The following SYNPR variants were observed in gnomAD, a reference collection of about 807,000 sequenced individuals.
SYNPR encodes synaptoporin.
In SYNPR, 23 loss-of-function variants were observed where a neutral mutation model predicts 32.9. The observed-to-expected ratio is 0.70, with a 90% CI of 0.50 to 0.99. The LOEUF (loss-of-function observed/expected upper bound fraction) is 0.99. Ranked by LOEUF, SYNPR falls within the 50% of genes least tolerant of loss-of-function variation. SYNPR has a pLI of 0.00. For missense variants in SYNPR, 318 were observed against 349.3 expected, an observed-to-expected ratio of 0.91 and a Z score of 0.71; for synonymous variants, 146 against 135.9, an observed-to-expected ratio of 1.07 and a Z score of -0.52.
chr3:63,606,498 C>A (rs936775727), intron 4 of SYNPR, among the ~76,000 whole-genome samples: 1 of 133,502 alleles, frequency 7.5e-6, no homozygotes, highest in East Asian at 2.5e-4. Flanking sequence ...GTGATGCAAT[C>A]ATAGCTCACT....
chr3:63,371,129 G>A (rs1195834361), intron 2 of SYNPR, among the ~76,000 whole-genome samples: 1 of 152,048 alleles, frequency 6.6e-6, no homozygotes, highest in African/African-American at 2.4e-5. Context: ...AGCCAGAGGA[G>A]GCCCCCATAC....
intron 2 of SYNPR, among the ~76,000 whole-genome samples, chr3:63,415,110 T>G (rs1469654559): frequency 1.3e-5 from 2 of 152,202 alleles, no homozygotes; most frequent in Admixed American, 1.3e-4. Context: ...TGAAAATATA[T>G]TATTTATGAA....
chr3:63,498,014 T>C (rs1701405229), intron 3 of SYNPR, among the ~76,000 whole-genome samples: 1 of 152,196 alleles, frequency 6.6e-6, no homozygotes, highest in African/African-American at 2.4e-5. Context: ...CACTCAGCTC[T>C]TCTTTCAAAG....
At chr3:63,330,636 T>G (rs1329505653) in intron 2 of SYNPR, among the ~76,000 whole-genome samples, 1 of 152,202 alleles carries the variant, frequency 6.6e-6, no homozygotes, top group Non-Finnish European at 1.5e-5. Context: ...TTATAAAATA[T>G]TCTTATATAC....
chr3:63,480,994 G>A, intron 3 of SYNPR, 38 bp downstream of exon 3: 5 of 1,585,744 alleles, frequency 3.2e-6, no homozygotes, highest in Admixed American at 3.5e-5. Flanking sequence ...GCCTCACAGG[G>A]GGTTATTTCT....
intron 4 of SYNPR, among the ~76,000 whole-genome samples, chr3:63,595,327 A>T (rs1235490831): frequency 4.6e-5 from 7 of 152,046 alleles, no homozygotes; most frequent in African/African-American, 7.2e-5. Context: ...TTACCCCAGA[A>T]TTCCTTTTGC....
At chr3:63,371,474 C>T (rs2087811480) in intron 2 of SYNPR, among the ~76,000 whole-genome samples, 1 of 152,262 alleles carries the variant, frequency 6.6e-6, no homozygotes. Context: ...GGCCCACTGG[C>T]CTGGGACTCC....
the SYNPR span, among the ~76,000 whole-genome samples, chr3:63,221,139 G>A: frequency 7.2e-5 from 11 of 152,164 alleles, no homozygotes; most frequent in African/African-American, 2.7e-4. Flanking sequence ...GTGATAACAA[G>A]TAGAGATGTC....
At chr3:63,556,810 C>T in intron 4 of SYNPR, 69 bp downstream of exon 4, 1 of 1,434,346 alleles carries the variant, frequency 7.0e-7, no homozygotes, top group South Asian at 1.4e-5. Context: ...GCTTGAAGGA[C>T]TTTGGAGTTA....
At chr3:63,353,535 T>G (rs1196945557) in intron 2 of SYNPR, among the ~76,000 whole-genome samples, 1 of 152,184 alleles carries the variant, frequency 6.6e-6, no homozygotes, top group Non-Finnish European at 1.5e-5. Flanking sequence ...AAAGTGGAGA[T>G]TCGGGAATTA....
At chr3:63,361,064 GTATACAGTTGCAAC>G (rs959791760) in intron 2 of SYNPR, among the ~76,000 whole-genome samples, 14 of 152,090 alleles carry the variant, frequency 9.2e-5, no homozygotes, top group Admixed American at 6.5e-4. Context: ...CACTACTGAG[GTATACAGTTGCAAC>G]TATCTTTTAC....
the SYNPR span, among the ~76,000 whole-genome samples, chr3:63,211,643 T>A: frequency 3.3e-5 from 5 of 152,108 alleles, no homozygotes; most frequent in African/African-American, 9.7e-5. Context: ...CCATATCAGC[T>A]TCCCAGGGTC....
chr3:63,418,777 T>C (rs1448867791), intron 2 of SYNPR, among the ~76,000 whole-genome samples: 1 of 152,128 alleles, frequency 6.6e-6, no homozygotes, highest in Non-Finnish European at 1.5e-5. Flanking sequence ...CTCCCATGAT[T>C]CAATTACCCC....
chr3:63,420,053 A>T (rs2088587959), intron 2 of SYNPR, among the ~76,000 whole-genome samples: 1 of 152,224 alleles, frequency 6.6e-6, no homozygotes, highest in Non-Finnish European at 1.5e-5. Flanking sequence ...GTAAAATGTT[A>T]TTTATGCATT....
chr3:63,281,180 T>C (rs2086627296), intron 2 of SYNPR, among the ~76,000 whole-genome samples: 1 of 152,198 alleles, frequency 6.6e-6, no homozygotes, highest in Admixed American at 6.5e-5. Flanking sequence ...TCTGTTTGTC[T>C]CTGTTTCCCT....
intron 2 of SYNPR, chr3:63,445,519 T>TAAA: frequency 1.4e-6 from 1 of 695,990 alleles, no homozygotes; most frequent in Non-Finnish European, 2.6e-6. Context: ...TAAAATTTCA[T>TAAA]AATCAGCTCC....
At chr3:63,405,020 C>T (rs1407231008) in intron 2 of SYNPR, among the ~76,000 whole-genome samples, 6 of 152,136 alleles carry the variant, frequency 3.9e-5, no homozygotes, top group South Asian at 2.1e-4. Context: ...TGAGTACTTA[C>T]TGTGTGTCAT....
intron 2 of SYNPR, among the ~76,000 whole-genome samples, chr3:63,325,886 T>C (rs967549735): frequency 6.6e-6 from 1 of 151,860 alleles, no homozygotes; most frequent in Non-Finnish European, 1.5e-5. Context: ...GGGTACCTCA[T>C]CTCCACAACA....
chr3:63,222,150 A>G, the SYNPR span, among the ~76,000 whole-genome samples: 26 of 151,342 alleles, frequency 1.7e-4, 1 homozygote, highest in South Asian at 5.4e-3. Flanking sequence ...TCTTCCTGAT[A>G]GAATAGAATT....
Sources: allele counts gnomAD v4.1 joint callset (sites outside exome capture counted in the v4.1 genomes callset), GRCh38; gene constraint gnomAD v4.1.1; transcripts MANE v1.5; gene names NCBI Gene and HGNC (gene_info 2026-07-23, HGNC 2026-07-21).